The following AGBL4 variants were observed in gnomAD, a reference collection of about 807,000 sequenced individuals.
AGBL4 encodes the protein AGBL carboxypeptidase 4.
In AGBL4, 58 loss-of-function variants were observed where a neutral mutation model predicts 66.4. The observed-to-expected ratio is 0.87, with a 90% confidence interval of 0.71 to 1.09. AGBL4 has a LOEUF of 1.09. Ranked by LOEUF, AGBL4 falls within the 50% of genes least tolerant of loss-of-function variation. The pLI is 0.00. For missense variants in AGBL4, 579 were observed against 631.0 expected (o/e 0.92, Z 0.88); for synonymous variants, 234 against 222.9 (o/e 1.05, Z -0.44).
chr1:49,217,210 A>G (rs941369934), intron 4 of AGBL4, among the ~76,000 whole-genome samples: 1 of 152,066 alleles, frequency 6.6e-6, no homozygotes, highest in African/African-American at 2.4e-5. Flanking sequence ...TTTATAATCT[A>G]AGTTATATCA....
chr1:48,648,583 C>G (rs143833467), intron 8 of AGBL4, among the ~76,000 whole-genome samples: 1 of 152,260 alleles, frequency 6.6e-6, no homozygotes, highest in Non-Finnish European at 1.5e-5. Flanking sequence ...GCTTATAGAG[C>G]AAAGGCAATG....
At chr1:49,558,380 G>A (rs1173824037) in intron 3 of AGBL4, among the ~76,000 whole-genome samples, 2 of 152,102 alleles carry the variant, frequency 1.3e-5, no homozygotes, top group Admixed American at 1.3e-4. Flanking sequence ...GTCTCACTCT[G>A]TTGCCACACT....
intron 3 of AGBL4, among the ~76,000 whole-genome samples, chr1:49,654,638 T>G (rs184487808): frequency 2.0e-4 from 30 of 152,354 alleles, no homozygotes; most frequent in Non-Finnish European, 3.4e-4. Context: ...TTGGGATAGT[T>G]AGCTCTTCTT....
chr1:48,679,264 G>A (rs974347005), intron 6 of AGBL4, among the ~76,000 whole-genome samples: 20 of 152,346 alleles, frequency 1.3e-4, no homozygotes, highest in Middle Eastern at 3.4e-3. Context: ...GAGTTGTCTT[G>A]GCAATAGATT....
chr1:49,129,964 C>G (rs1200970169), intron 4 of AGBL4, among the ~76,000 whole-genome samples: 1 of 152,206 alleles, frequency 6.6e-6, no homozygotes, highest in African/African-American at 2.4e-5. Context: ...TCCACATCCT[C>G]TCCAGCACCT....
At chr1:48,870,472 T>C (rs1648542598) in intron 5 of AGBL4, among the ~76,000 whole-genome samples, 1 of 152,232 alleles carries the variant, frequency 6.6e-6, no homozygotes. Context: ...GTTTCAACTA[T>C]GCTGTTATGC....
intron 6 of AGBL4, among the ~76,000 whole-genome samples, chr1:48,773,801 T>C (rs1345242237): frequency 1.3e-5 from 2 of 152,212 alleles, no homozygotes; most frequent in Non-Finnish European, 2.9e-5. Flanking sequence ...TGTCCTCATC[T>C]ATGAAATGGA....
intron 4 of AGBL4, among the ~76,000 whole-genome samples, chr1:49,219,081 C>G (rs1344837185): frequency 6.6e-6 from 1 of 152,116 alleles, no homozygotes; most frequent in Non-Finnish European, 1.5e-5. Context: ...CCATGGCTCC[C>G]ATGGCTGGCT....
At chr1:49,584,142 C>T (rs1362246099) in intron 3 of AGBL4, among the ~76,000 whole-genome samples, 1 of 152,170 alleles carries the variant, frequency 6.6e-6, no homozygotes. Flanking sequence ...ACTTTAGCTT[C>T]CAGTGGAAAC....
chr1:49,540,325 T>C (rs1235049636), intron 3 of AGBL4, among the ~76,000 whole-genome samples: 1 of 152,216 alleles, frequency 6.6e-6, no homozygotes, highest in East Asian at 1.9e-4. Context: ...TTTCTTACTT[T>C]TCCAACAGGC....
At chr1:49,721,848 T>C (rs188608461) in intron 2 of AGBL4, among the ~76,000 whole-genome samples, 167 of 152,172 alleles carry the variant, frequency 1.1e-3, no homozygotes, top group Non-Finnish European at 2.0e-3. Context: ...TTGGCTTTCA[T>C]AGGAAAGAAG....
At chr1:49,683,386 T>C (rs1012318045) in intron 3 of AGBL4, among the ~76,000 whole-genome samples, 1 of 151,648 alleles carries the variant, frequency 6.6e-6, no homozygotes, top group African/African-American at 2.4e-5. Context: ...AAGATAATAG[T>C]AAGTAATAAT....
At chr1:49,407,022 G>A (rs1645215858) in intron 3 of AGBL4, among the ~76,000 whole-genome samples, 1 of 121,518 alleles carries the variant, frequency 8.2e-6, no homozygotes, top group African/African-American at 3.3e-5. Context: ...CCGAGATAAC[G>A]CCACTGCATT....
At chr1:48,909,465 G>A (rs975886005) in intron 5 of AGBL4, among the ~76,000 whole-genome samples, 2 of 152,174 alleles carry the variant, frequency 1.3e-5, no homozygotes, top group African/African-American at 4.8e-5. Flanking sequence ...AGGGAGAAAT[G>A]ATTTCCACTG....
At chr1:49,984,577 C>T (rs1293926779) in intron 1 of AGBL4, among the ~76,000 whole-genome samples, 1 of 152,162 alleles carries the variant, frequency 6.6e-6, no homozygotes, top group African/African-American at 2.4e-5. Flanking sequence ...CCCCAAAACC[C>T]CTCCTGCTTC....
chr1:49,434,847 G>A (rs1382996068), intron 3 of AGBL4, among the ~76,000 whole-genome samples: 2 of 152,190 alleles, frequency 1.3e-5, no homozygotes, highest in South Asian at 2.1e-4. Context: ...GAGGCACAAA[G>A]GTGATGGGAA....
chr1:49,774,780 A>T (rs1307102607), intron 2 of AGBL4, among the ~76,000 whole-genome samples: 1 of 152,204 alleles, frequency 6.6e-6, no homozygotes, highest in Non-Finnish European at 1.5e-5. Context: ...CGAAATTCTC[A>T]TTAACTGTTG....
At position 49,240,789 on chromosome 1, in the gene AGBL4, C is replaced by A. The variant is rs1212084687; in HGVS notation, c.377+4981G>T. ...CTCTCTTGAGTCTCTTACCAATATA[C>A]CACACTACCTACCTGACATCTCTGC... On this transcript the variant is annotated intron_variant, in intron 4 of 13. Coordinates refer to ENST00000371839, the MANE Select transcript of AGBL4 (RefSeq NM_032785.4). Among the ~76,000 whole-genome samples, 4 of 151,932 alleles carry A rather than the reference C, an allele frequency of 2.6e-5. No homozygotes were observed. In the East Asian group the frequency reaches 5.9e-4, roughly 22 times the overall value.
At chr1:49,919,870 G>A (rs1004442212) in intron 1 of AGBL4, among the ~76,000 whole-genome samples, 1 of 152,184 alleles carries the variant, frequency 6.6e-6, no homozygotes, top group Admixed American at 6.5e-5. Context: ...AAAACAGCAT[G>A]GTAGTGGTAC....
Sources: allele counts gnomAD v4.1 joint callset (sites outside exome capture counted in the v4.1 genomes callset), GRCh38; gene constraint gnomAD v4.1.1; transcripts MANE v1.5; gene names NCBI Gene and HGNC (gene_info 2026-07-23, HGNC 2026-07-21).